Variants in EDIL3 observed in about 807,000 individuals in gnomAD.
EDIL3 encodes the protein EGF like and discoidin domains 3.
EDIL3 carries 37 observed loss-of-function variants against 67.4 expected under a neutral mutation model. That is an observed-to-expected ratio of 0.55 (90% CI 0.42 to 0.72). The LOEUF is 0.72. Ranked by LOEUF, EDIL3 falls within the 30% of genes least tolerant of loss-of-function variation. The probability of loss-of-function intolerance (pLI) is 0.00; values close to 1 mark genes in which losing one functional copy is unlikely to be tolerated. For synonymous variants in EDIL3, 195 were observed against 196.3 expected (o/e 0.99, Z 0.05); for missense variants, 527 against 586.3 (o/e 0.90, Z 1.04).
rs67762520 is a variant in EDIL3, at chr5:84,037,988, GTTTT to G, written c.1137+22308_1137+22311del. ...TTCTCTTTTCTTTTCTTTCTTTCTT[GTTTT>G]TTTTTTTTTTTTTTTTTTTGAGACA... is the stretch of plus-strand genomic sequence containing the variant. On this transcript the variant is annotated intron_variant, in intron 9 of 10. Coordinates refer to ENST00000296591, the MANE Select transcript of EDIL3 (RefSeq NM_005711.5). Among the ~76,000 whole-genome samples, 51 of 99,694 alleles carry G rather than the reference GTTTT, an allele frequency of 5.1e-4. No homozygotes were observed. In the South Asian group the frequency reaches 0.012, roughly 23 times the overall value. 65.4% of individuals were successfully genotyped at this position (99,694 alleles called of 152,430 possible).
In EDIL3 at chr5:83,995,050, T is replaced by C. The variant is rs558466778; in HGVS notation, c.1138-31690A>G. 7.9e-5 allele frequency among the ~76,000 whole-genome samples: 12 copies of C among 152,216 alleles called. No homozygotes were observed. The South Asian group carries it at 2.5e-3, about 32-fold the overall frequency. ...TTATAGCAGCAGTTTTACTTATCTG[T>C]TTTTTGTAAAAGACTTAATGACAAA... On this transcript the variant is annotated intron_variant, in intron 9 of 10. Transcript: ENST00000296591.
At chr5:84,050,090 T>C (rs6877081) in intron 9 of EDIL3, among the ~76,000 whole-genome samples, 46,329 of 147,798 alleles carry the variant, frequency 0.31, 7,218 homozygotes, top group African/African-American at 0.36. Context: ...CCCAGCTACA[T>C]GGGAGGCTGA....
rs201790017 is a variant in EDIL3, at chr5:84,160,784, C to T, written c.355+19609G>A. 2.3e-3 allele frequency among the ~76,000 whole-genome samples: 129 copies of T among 56,884 alleles called. 2 individuals are homozygous for T. Among genetic ancestry groups the T allele is most frequent in the African/African-American group, 5.9e-3 (114 of 19,320 alleles). 37.3% of individuals were successfully genotyped at this position (56,884 alleles called of 152,430 possible). On this transcript the variant is annotated intron_variant, in intron 4 of 10. Coordinates refer to ENST00000296591, the MANE Select transcript of EDIL3 (RefSeq NM_005711.5). ...CCTTTCCTTTCCTTTCCTTTCCTTT[C>T]CTTTCCTTTCCTTTCCTTTCCTTTC...
intron 3 of EDIL3, among the ~76,000 whole-genome samples, chr5:84,205,916 G>A (rs1418838909): frequency 1.3e-5 from 2 of 150,444 alleles, no homozygotes; most frequent in African/African-American, 4.9e-5. Context: ...ATTTCCTTCA[G>A]TTCTGCTCTG....
In EDIL3 at chr5:84,165,449, G is replaced by T. The variant is rs546477065; in HGVS notation, c.355+14944C>A. 7.9e-5 allele frequency among the ~76,000 whole-genome samples: 12 copies of T among 152,146 alleles called. 1 individual carries two copies. In the South Asian group the frequency reaches 2.5e-3, roughly 32 times the overall value. On this transcript the variant is annotated intron_variant, in intron 4 of 10. Coordinates refer to ENST00000296591, the MANE Select transcript of EDIL3 (RefSeq NM_005711.5). The stretch of plus-strand genomic sequence containing the variant: ...TCTCAAGGCATCATTTCTCACAACG[G>T]CAACTCTTGTGCTGCATTCCTCTTC...
intron 3 of EDIL3, among the ~76,000 whole-genome samples, chr5:84,192,084 A>G (rs1007900315): frequency 4.0e-5 from 6 of 150,944 alleles, no homozygotes; most frequent in African/African-American, 1.5e-4. Context: ...TTTTAAAAAG[A>G]TTAATTGAAG....
At chr5:84,244,558 G>A (rs1010183828) in intron 2 of EDIL3, among the ~76,000 whole-genome samples, 6 of 151,868 alleles carry the variant, frequency 4.0e-5, no homozygotes, top group Non-Finnish European at 7.4e-5. Flanking sequence ...CAAAGTACTG[G>A]GATTACAGGC....
intron 9 of EDIL3, among the ~76,000 whole-genome samples, chr5:83,982,937 C>T (rs1744995814): frequency 6.6e-6 from 1 of 152,142 alleles, no homozygotes; most frequent in South Asian, 2.1e-4. Flanking sequence ...GGAAGCCAAG[C>T]CTCAGTCTGT....
At chr5:84,306,507 T>C (rs1746279846) in intron 1 of EDIL3, among the ~76,000 whole-genome samples, 1 of 152,176 alleles carries the variant, frequency 6.6e-6, no homozygotes, top group South Asian at 2.1e-4. Flanking sequence ...TTATGGCAAG[T>C]GGATGAATTC....
chr5:84,227,632 G>T (rs1425572181), intron 3 of EDIL3, among the ~76,000 whole-genome samples: 1 of 152,124 alleles, frequency 6.6e-6, no homozygotes, highest in Non-Finnish European at 1.5e-5. Flanking sequence ...GCACTCATAA[G>T]TTCATTGCTG....
chr5:84,315,348 A>G (rs552479129), intron 1 of EDIL3, among the ~76,000 whole-genome samples: 1 of 152,322 alleles, frequency 6.6e-6, no homozygotes, highest in South Asian at 2.1e-4. Context: ...TTAATTCCTC[A>G]GATGAAAAAA....
intron 3 of EDIL3, among the ~76,000 whole-genome samples, chr5:84,210,653 C>G (rs981113643): frequency 6.6e-6 from 1 of 152,066 alleles, no homozygotes; most frequent in Non-Finnish European, 1.5e-5. Context: ...CCATAACTCA[C>G]TTCTTAGAAC....
At chr5:84,200,088 T>A (rs1743801140) in intron 3 of EDIL3, among the ~76,000 whole-genome samples, 1 of 152,108 alleles carries the variant, frequency 6.6e-6, no homozygotes, top group Non-Finnish European at 1.5e-5. Flanking sequence ...CTGGGATTTA[T>A]TTTCATAAGT....
intron 1 of EDIL3, among the ~76,000 whole-genome samples, chr5:84,367,656 G>A (rs901266162): frequency 2.0e-5 from 3 of 152,068 alleles, no homozygotes; most frequent in African/African-American, 7.2e-5. Context: ...GGTGGCACAT[G>A]CCTATAATCT....
At chr5:84,263,280 G>A (rs1745272855) in intron 1 of EDIL3, among the ~76,000 whole-genome samples, 3 of 152,114 alleles carry the variant, frequency 2.0e-5, no homozygotes, top group African/African-American at 7.2e-5. Flanking sequence ...CACCAGTGTT[G>A]CACAGTTCTG....
At chr5:84,254,977 T>C (rs1026543821) in intron 1 of EDIL3, among the ~76,000 whole-genome samples, 1 of 152,148 alleles carries the variant, frequency 6.6e-6, no homozygotes, top group Non-Finnish European at 1.5e-5. Flanking sequence ...AAAGCTGTCA[T>C]CTGAGGTAAC....
chr5:83,952,908 C>T (rs1427884565), intron 10 of EDIL3, among the ~76,000 whole-genome samples: 5 of 151,808 alleles, frequency 3.3e-5, no homozygotes, highest in Non-Finnish European at 7.4e-5. Flanking sequence ...TGTATGAACA[C>T]AGAAGTGATT....
chr5:84,079,998 A>G (rs1204744841), intron 6 of EDIL3, among the ~76,000 whole-genome samples: 1 of 151,210 alleles, frequency 6.6e-6, no homozygotes, highest in Non-Finnish European at 1.5e-5. Flanking sequence ...AAAAAGAGTA[A>G]CTCTGGTTCA....
At chr5:84,009,577 G>C (rs1745483474) in intron 9 of EDIL3, among the ~76,000 whole-genome samples, 1 of 152,130 alleles carries the variant, frequency 6.6e-6, no homozygotes, top group Non-Finnish European at 1.5e-5. Context: ...CAAAATTCCA[G>C]GTAGATTAAT....
Sources: gnomAD v4.1 joint callset for allele counts (sites outside exome capture counted in the v4.1 genomes callset) on GRCh38, gnomAD v4.1.1 for gene constraint, MANE v1.5 for transcripts, NCBI Gene and HGNC (gene_info 2026-07-23, HGNC 2026-07-21) for gene names.